Variants in ERBB4 observed in about 807,000 individuals in gnomAD.
ERBB4 encodes receptor tyrosine-protein kinase erbB-4.
A neutral mutation model predicts 158.0 loss-of-function variants in ERBB4; 42 were observed. The ratio of observed to expected loss-of-function variants is 0.27; its 90% CI spans 0.21 to 0.34. The LOEUF is 0.34. Among genes scored for constraint, ERBB4 ranks in the 10% least tolerant of loss-of-function variants. ERBB4 has a pLI of 1.00. For missense variants in ERBB4, 1,333 were observed against 1,624.1 expected (o/e 0.82, Z 3.08); for synonymous variants, 583 against 558.7 (o/e 1.04, Z -0.61).
chr2:212,179,989 TG>T (rs913182871), intron 1 of ERBB4, among the ~76,000 whole-genome samples: 1 of 151,678 alleles, frequency 6.6e-6, no homozygotes, highest in African/African-American at 2.4e-5. Context: ...ACTGGCCTAT[TG>T]GGGTACAATT....
chr2:212,054,924 A>C (rs1190873185), intron 2 of ERBB4, among the ~76,000 whole-genome samples: 1 of 152,194 alleles, frequency 6.6e-6, no homozygotes, highest in East Asian at 1.9e-4. Context: ...TATCAGGTTC[A>C]TCTCACTGGG....
intron 1 of ERBB4, among the ~76,000 whole-genome samples, chr2:212,342,008 C>T (rs559725480): frequency 6.6e-6 from 1 of 152,118 alleles, no homozygotes; most frequent in Admixed American, 6.5e-5. Flanking sequence ...CCTGTAATCC[C>T]AACACGTTGG....
intron 14 of ERBB4, among the ~76,000 whole-genome samples, chr2:211,666,999 G>T (rs944116270): frequency 4.6e-5 from 7 of 152,050 alleles, no homozygotes; most frequent in Admixed American, 2.6e-4. Context: ...CCTAAACCAG[G>T]AGTGTCCAGT....
rs151004695 is a variant in ERBB4 at position 211,882,314 on chromosome 2, C to A, written c.421+65116G>T. On this transcript the variant is annotated intron_variant, in intron 3 of 27. Coordinates refer to ENST00000342788, the MANE Select transcript of ERBB4 (RefSeq NM_005235.3). ...GGTTCTTTAGGGCTGGACTAAATGG[C>A]TGGTATCATTGTTTATAAATGTGTC... Among the ~76,000 whole-genome samples the A allele has an allele frequency of 4.6e-5, 7 of 152,248 alleles. No homozygotes were observed. In the East Asian group the frequency reaches 1.4e-3, roughly 29 times the overall value.
Position 211,677,144 on chromosome 2 carries a change from C to T in ERBB4, c.1622+1908G>A, listed in dbSNP as rs550618101. 6.6e-4 allele frequency among the ~76,000 whole-genome samples: 100 copies of T among 152,136 alleles called. 1 individual carries two copies. In the South Asian group the frequency reaches 9.7e-3, roughly 15 times the overall value. The stretch of plus-strand genomic sequence containing the variant: ...AGAGACATGTCAATATCATTATGAT[C>T]TATATATTTTTATTTTTCTCGTGTA... On this transcript the variant is annotated intron_variant, in intron 13 of 27. Transcript: ENST00000342788.
At chr2:211,651,530 T>C (rs1178781908) in intron 16 of ERBB4, among the ~76,000 whole-genome samples, 1 of 152,134 alleles carries the variant, frequency 6.6e-6, no homozygotes, top group Admixed American at 6.5e-5. Flanking sequence ...CAGATGTAAT[T>C]AAGGTCCCAA....
In ERBB4 at chr2:211,947,461, T is replaced by C. The variant is rs1254648094; in HGVS notation, c.390A>G (p.Gly130=). 1 of 1,613,752 alleles carries C rather than the reference T, an allele frequency of 6.2e-7. No individual in the cohort carries two copies. The highest frequency in any genetic ancestry group is 8.5e-7 in the Non-Finnish European group (1 of 1,179,876). The change falls in exon 3 of 28, where the codon GGA becomes GGG. Residue 130 remains glycine, a synonymous_variant. Coordinates refer to ENST00000342788, the MANE Select transcript of ERBB4 (RefSeq NM_005235.3). The stretch of plus-strand genomic sequence containing the variant: ...AGTTCTTTAATCCAAGTTCTTGAAG[T>C]CCAAAGTTTCCATCTTTTCTGTAGT... ...FLNYRKDGNF[G]LQELGLKNLT...
At chr2:211,703,621 AT>A (rs902800809) in intron 11 of ERBB4, among the ~76,000 whole-genome samples, 6 of 151,950 alleles carry the variant, frequency 3.9e-5, no homozygotes, top group African/African-American at 9.7e-5. Context: ...CTAAACCTGA[AT>A]TTTTTTTGTC....
intron 1 of ERBB4, among the ~76,000 whole-genome samples, chr2:212,403,739 TG>T (rs1560225394): frequency 1.3e-5 from 2 of 152,040 alleles, no homozygotes; most frequent in South Asian, 2.1e-4. Context: ...CTTGGGGAAA[TG>T]GGAAGTTGCT....
At chr2:211,636,630 G>A (rs1267166675) in intron 16 of ERBB4, among the ~76,000 whole-genome samples, 1 of 151,816 alleles carries the variant, frequency 6.6e-6, no homozygotes, top group Non-Finnish European at 1.5e-5. Context: ...GCCTCTATGT[G>A]AGCAATAAAT....
chr2:211,658,129 G>C (rs186380120), intron 15 of ERBB4: 6 of 592,324 alleles, frequency 1.0e-5, no homozygotes, highest in South Asian at 7.0e-5. Context: ...TTCAAGCCAG[G>C]AAGATTTTTG....
intron 1 of ERBB4, among the ~76,000 whole-genome samples, chr2:212,185,620 T>C (rs953903370): frequency 1.3e-5 from 2 of 151,872 alleles, no homozygotes; most frequent in Non-Finnish European, 2.9e-5. Flanking sequence ...TTAAGTAGGG[T>C]CCACATTATA....
intron 1 of ERBB4, among the ~76,000 whole-genome samples, chr2:212,184,638 G>A (rs1370819194): frequency 6.9e-6 from 1 of 145,278 alleles, no homozygotes; most frequent in Non-Finnish European, 1.5e-5. Flanking sequence ...ATGTCTTTGT[G>A]TTCGTTTGTT....
chr2:211,927,248 G>C lies in ERBB4; in HGVS notation c.421+20182C>G, dbSNP rs545857945. On this transcript the variant is annotated intron_variant, in intron 3 of 27. Coordinates refer to ENST00000342788, the MANE Select transcript of ERBB4 (RefSeq NM_005235.3). ...AGCAAGGTGAAGATAGTGACTTATT[G>C]GTTAAAACATAGTCTGCATAATTTT... Among the ~76,000 whole-genome samples the C allele has an allele frequency of 9.2e-5, 14 of 152,178 alleles. No individual in the cohort carries two copies. The South Asian group carries it at 2.7e-3, about 29-fold the overall frequency.
chr2:211,500,112 G>T (rs1303521252), intron 20 of ERBB4, among the ~76,000 whole-genome samples: 1 of 152,034 alleles, frequency 6.6e-6, no homozygotes, highest in African/African-American at 2.4e-5. Flanking sequence ...AAAATATTTA[G>T]GATTTATTTT....
At chr2:212,284,268 T>G (rs1157124969) in intron 1 of ERBB4, among the ~76,000 whole-genome samples, 2 of 152,098 alleles carry the variant, frequency 1.3e-5, no homozygotes, top group Non-Finnish European at 2.9e-5. Flanking sequence ...TTTCTGTCCA[T>G]TCTTGCCCTC....
intron 1 of ERBB4, among the ~76,000 whole-genome samples, chr2:212,223,088 G>A (rs1057168402): frequency 6.6e-6 from 1 of 151,314 alleles, no homozygotes; most frequent in African/African-American, 2.4e-5. Context: ...TTTGGGGCAT[G>A]CATATAAAAA....
At chr2:211,500,403 G>A (rs1030373463) in intron 20 of ERBB4, among the ~76,000 whole-genome samples, 2 of 151,980 alleles carry the variant, frequency 1.3e-5, no homozygotes, top group African/African-American at 4.8e-5. Flanking sequence ...CCTAAAATAG[G>A]TCATTTGATT....
At chr2:212,053,572 T>A (rs1399128538) in intron 2 of ERBB4, among the ~76,000 whole-genome samples, 2 of 152,212 alleles carry the variant, frequency 1.3e-5, no homozygotes, top group Admixed American at 6.6e-5. Context: ...CCTCCATGAT[T>A]GTGTGACTTT....
Sources: gnomAD v4.1 joint callset for allele counts (sites outside exome capture counted in the v4.1 genomes callset) on GRCh38, gnomAD v4.1.1 for gene constraint, MANE v1.5 for transcripts, NCBI Gene and HGNC (gene_info 2026-07-23, HGNC 2026-07-21) for gene names.